Variants in CEBPZ observed in about 807,000 individuals in gnomAD.
CEBPZ encodes the protein CCAAT/enhancer-binding protein zeta.
CEBPZ carries 78 observed loss-of-function variants against 104.5 expected under a neutral mutation model. That is an observed-to-expected ratio of 0.75 (90% CI 0.62 to 0.90). The LOEUF is 0.90. CEBPZ is among the 40% of genes least tolerant of loss of function. The probability of loss-of-function intolerance (pLI) is 0.00; values close to 1 mark genes in which losing one functional copy is unlikely to be tolerated. For missense variants in CEBPZ, 1,439 were observed against 1,233.5 expected, an observed-to-expected ratio of 1.17 and a Z score of -2.50; for synonymous variants, 470 against 427.0, an observed-to-expected ratio of 1.10 and a Z score of -1.24.
intron 2 of CEBPZ, among the ~76,000 whole-genome samples, chr2:37,224,930 A>T (rs78251598): frequency 0.025 from 3,879 of 152,308 alleles, 80 homozygotes; most frequent in Middle Eastern, 0.054. Flanking sequence ...TTAGACTATG[A>T]TGTTAAATAG....
rs1677337772 is a variant in CEBPZ, at chr2:37,202,777, T to G, written c.3025+7A>C. ...AAAACATCAATAAAAAAATTTAAGTTACTTACTTGCATTATCTTTGTTAGC... is the reference window on the plus strand; with the variant it reads ...AAAACATCAATAAAAAAATTTAAGTGACTTACTTGCATTATCTTTGTTAGC... On this transcript the variant is annotated splice_region_variant and intron_variant, in intron 15 of 15. Transcript: ENST00000234170. The G allele has an allele frequency of 6.6e-7, 1 of 1,525,178 alleles. No homozygotes were observed. Among genetic ancestry groups the G allele is most frequent in the Non-Finnish European group, 8.8e-7 (1 of 1,132,736 alleles). The allele number at this position is 1,525,178 out of a possible 1,614,324, so 94.5% of individuals were successfully genotyped here. A position where few individuals can be genotyped will look rare whatever the true frequency, so the allele number is the denominator to read the frequency against.
At chr2:37,212,869 A>AC (rs34907730) in intron 10 of CEBPZ, among the ~76,000 whole-genome samples, 3,574 of 148,342 alleles carry the variant, frequency 0.024, 62 homozygotes, top group South Asian at 0.035. Context: ...AACAACAACA[A>AC]AAAAAAAAAC....
At chr2:37,229,868 A>AT (rs1181158641) in intron 1 of CEBPZ, among the ~76,000 whole-genome samples, 2 of 151,524 alleles carry the variant, frequency 1.3e-5, no homozygotes, top group Non-Finnish European at 2.9e-5. Flanking sequence ...TAAAAAAAAA[A>AT]TTTTTTTTTG....
At chr2:37,214,798 G>A (rs1677829186) in intron 9 of CEBPZ, 88 bp downstream of exon 9, 7 of 808,564 alleles carry the variant, frequency 8.7e-6, no homozygotes, top group Non-Finnish European at 1.4e-5. Context: ...TATTGAAGTA[G>A]ATTATTTCAT....
chr2:37,202,359 T>TATCA (rs1200294613), intron 15 of CEBPZ: 1 of 160,688 alleles, frequency 6.2e-6, no homozygotes, highest in Non-Finnish European at 1.3e-5. Flanking sequence ...AAAATATTCC[T>TATCA]ATCAGCCAGG....
At chr2:37,207,479 T>A (rs111933481) in intron 13 of CEBPZ, among the ~76,000 whole-genome samples, 3 of 152,138 alleles carry the variant, frequency 2.0e-5, no homozygotes, top group African/African-American at 7.2e-5. Flanking sequence ...GGAATACAAT[T>A]GGAAATTAAC....
In CEBPZ at chr2:37,228,385, C is replaced by G. The variant is rs1558478915; in HGVS notation, c.808G>C (p.Val270Leu). The change falls in exon 2 of 16, where the codon GTG becomes CTG. Residue 270 changes from valine to leucine, a missense_variant. Val to Leu is a conservative substitution (Grantham distance 32, BLOSUM62 1). Transcript: ENST00000234170. ...VHTLQFVETL[V>L]NLVKKKGSKQ... ...CTGCCCTTCTTTTTAACAAGGTTCA[C>G]AAGAGTTTCTACAAACTGAAGTGTG... 6.2e-7 allele frequency: 1 copy of G among 1,614,202 alleles called. No homozygotes were observed. Among genetic ancestry groups the G allele is most frequent in the Admixed American group, 1.7e-5 (1 of 60,026 alleles).
intron 1 of CEBPZ, among the ~76,000 whole-genome samples, chr2:37,230,021 C>T (rs1471508751): frequency 6.6e-6 from 1 of 152,114 alleles, no homozygotes; most frequent in African/African-American, 2.4e-5. Context: ...ACTACATATA[C>T]ACTTACAAAA....
Position 37,228,485 on chromosome 2 carries a change from C to T in CEBPZ, c.708G>A (p.Lys236=), listed in dbSNP as rs1477152715. 2 of 1,614,084 alleles carry T rather than the reference C, an allele frequency of 1.2e-6. No individual in the cohort carries two copies. The highest frequency in any genetic ancestry group is 8.5e-7 in the Non-Finnish European group (1 of 1,180,040). The change falls in exon 2 of 16, where the codon AAG becomes AAA. Residue 236 remains lysine, a synonymous_variant. Transcript: ENST00000234170. The part of the protein sequence containing the change: ...SQKGASSTWM[K]AIVSSGTLGD... ...CTAGTGTCCCCGATGACACAATTGC[C>T]TTCATCCAGGTAGAAGAGGCTCCCT...
rs531523117 is a variant in CEBPZ, at chr2:37,229,114, A to G, written c.157-78T>C. On this transcript the variant is annotated intron_variant, in intron 1 of 15. Transcript: ENST00000234170. ...ATAAAATAATAGGAAACACAACATA[A>G]TTTTAAAAATAATTTCGGAACTGGA... is the stretch of plus-strand genomic sequence containing the variant. 8.9e-6 allele frequency: 11 copies of G among 1,234,772 alleles called. 1 individual carries two copies. The South Asian group carries it at 1.4e-4, about 15-fold the overall frequency. The allele number at this position is 1,234,772 out of a possible 1,614,324, so 76.5% of individuals were successfully genotyped here.
chr2:37,201,758 A>C lies in CEBPZ; in HGVS notation c.*6T>G, dbSNP rs757702490. On this transcript the variant is annotated 3_prime_UTR_variant, in exon 16 of 16. Coordinates refer to ENST00000234170, the MANE Select transcript of CEBPZ (RefSeq NM_005760.3). ...AGAATTTTAATCTATAATTTACATT[A>C]ATAACTCATTTCCTTTGTTTTTTAG... The C allele has an allele frequency of 5.9e-6, 8 of 1,349,848 alleles. No homozygotes were observed. In the Admixed American group the frequency reaches 1.4e-4, roughly 23 times the overall value. The allele number at this position is 1,349,848 out of a possible 1,614,324, so 83.6% of individuals were successfully genotyped here. A position where few individuals can be genotyped will look rare whatever the true frequency, so the allele number is the denominator to read the frequency against.
At chr2:37,227,518 C>G in intron 2 of CEBPZ, 26 bp downstream of exon 2, 6 of 1,557,736 alleles carry the variant, frequency 3.9e-6, no homozygotes, top group Non-Finnish European at 5.2e-6. Flanking sequence ...TATTTCATGT[C>G]TCATATTGGA....
chr2:37,202,956 A>G lies in CEBPZ; in HGVS notation c.2937T>C (p.Ala979=). Residue 979 remains alanine (A), a synonymous_variant, in exon 14 of 16, where the codon GCT becomes GCC. Coordinates refer to ENST00000234170, the MANE Select transcript of CEBPZ (RefSeq NM_005760.3). ...NLNDSSLFVS[A]EEFGHLLDEN... ...AACAGTACATTAGCCTTACCTCTTC[A>G]GCAGATACAAATAGGCTGGAATCAT... The G allele has an allele frequency of 1.3e-6, 2 of 1,579,284 alleles. No individual in the cohort carries two copies. Among genetic ancestry groups the G allele is most frequent in the Non-Finnish European group, 1.7e-6 (2 of 1,165,426 alleles).
At position 37,228,568 on chromosome 2, in the gene CEBPZ, C is replaced by A. The variant is rs145209972; in HGVS notation, c.625G>T (p.Ala209Ser). The A allele has an allele frequency of 5.0e-6, 8 of 1,614,038 alleles. No individual in the cohort carries two copies. The highest frequency in any genetic ancestry group is 6.8e-6 in the Non-Finnish European group (8 of 1,180,048). ...ATTTCATGCTGATACAGCTTCTGAGCAAGGGTTTTGTACTTAGATACAACA... is the reference window on the plus strand; with the variant it reads ...ATTTCATGCTGATACAGCTTCTGAGAAAGGGTTTTGTACTTAGATACAACA... ...QDVVSKYKTLAQKLYQHEINL... is the reference protein window; with the variant it reads ...QDVVSKYKTLSQKLYQHEINL... Residue 209 changes from alanine to serine, a missense_variant, in exon 2 of 16, where the codon GCT becomes TCT. By Grantham distance (99) the Ala-to-Ser change is moderately conservative. Coordinates refer to ENST00000234170, the MANE Select transcript of CEBPZ (RefSeq NM_005760.3).
chr2:37,230,750 G>C (rs1024686158), intron 1 of CEBPZ, among the ~76,000 whole-genome samples: 1 of 152,076 alleles, frequency 6.6e-6, no homozygotes, highest in African/African-American at 2.4e-5. Flanking sequence ...CATGGAATAG[G>C]TTAGGCACTC....
At chr2:37,230,402 T>TA (rs1665030359) in intron 1 of CEBPZ, among the ~76,000 whole-genome samples, 3 of 152,186 alleles carry the variant, frequency 2.0e-5, no homozygotes, top group Admixed American at 2.0e-4. Context: ...ATGGCTGAGA[T>TA]AAAAGTGGAA....
At chr2:37,208,837 G>A (rs1349207542) in intron 13 of CEBPZ, 4 of 152,088 alleles carry the variant, frequency 2.6e-5, no homozygotes, top group Non-Finnish European at 5.9e-5. Context: ...TCAGTAAAGA[G>A]GAAGTCAAAC....
chr2:37,201,940 A>C, intron 15 of CEBPZ, 37 bp from the exon 16 acceptor site: 1 of 1,582,280 alleles, frequency 6.3e-7, no homozygotes. Context: ...GTACTACCAC[A>C]CTGTAGACTC....
chr2:37,215,788 G>A (rs1677852808), intron 8 of CEBPZ, among the ~76,000 whole-genome samples: 1 of 152,148 alleles, frequency 6.6e-6, no homozygotes, highest in Admixed American at 6.5e-5. Flanking sequence ...CTTTAAGATG[G>A]TCTGAATTGT....
Sources: gnomAD v4.1 joint callset for allele counts (sites outside exome capture counted in the v4.1 genomes callset) on GRCh38, gnomAD v4.1.1 for gene constraint, MANE v1.5 for transcripts, NCBI Gene and HGNC (gene_info 2026-07-23, HGNC 2026-07-21) for gene names.